Variants in SRPK1 observed in about 807,000 individuals in gnomAD.
The protein encoded by SRPK1 is SRSF protein kinase 1.
Under a neutral mutation model 89.5 loss-of-function variants are expected in SRPK1, and 52 were observed. The ratio of observed to expected loss-of-function variants is 0.58; its 90% confidence interval spans 0.46 to 0.73. The LOEUF (loss-of-function observed/expected upper bound fraction) is 0.73. Among genes scored for constraint, SRPK1 ranks in the 30% least tolerant of loss-of-function variants. The probability of loss-of-function intolerance (pLI) is 0.00; values close to 1 mark genes in which losing one functional copy is unlikely to be tolerated. For synonymous variants in SRPK1, 255 were observed against 270.2 expected, an observed-to-expected ratio of 0.94 and a Z score of 0.55; for missense variants, 603 against 780.6, an observed-to-expected ratio of 0.77 and a Z score of 2.71.
intron 6 of SRPK1, among the ~76,000 whole-genome samples, chr6:35,880,118 G>C (rs997697807): frequency 7.3e-5 from 11 of 150,498 alleles, no homozygotes; most frequent in Non-Finnish European, 1.3e-4. Context: ...GGAAGATGTG[G>C]AGAAAGTCAA....
intron 15 of SRPK1, among the ~76,000 whole-genome samples, chr6:35,837,680 G>A (rs1051773746): frequency 2.0e-5 from 3 of 151,798 alleles, no homozygotes; most frequent in Admixed American, 2.0e-4. Flanking sequence ...CCCAGCTTTC[G>A]GAGTAGCTGC....
chr6:35,893,336 T>C (rs1366451544), intron 2 of SRPK1, among the ~76,000 whole-genome samples: 1 of 151,798 alleles, frequency 6.6e-6, no homozygotes, highest in East Asian at 1.9e-4. Context: ...AACGCAAAAA[T>C]TAACTGGGCT....
At chr6:35,849,083 A>G (rs1581993174) in intron 13 of SRPK1, among the ~76,000 whole-genome samples, 1 of 152,356 alleles carries the variant, frequency 6.6e-6, no homozygotes, top group Middle Eastern at 3.4e-3. Flanking sequence ...TTTGCATGCT[A>G]TACATTTGAT....
In SRPK1 at chr6:35,833,205, T is replaced by C. The variant is rs1171632019; in HGVS notation, c.*2099A>G. 1 of 152,632 alleles carries C rather than the reference T, an allele frequency of 6.6e-6. No individual in the cohort carries two copies. The highest frequency in any genetic ancestry group is 1.5e-5 in the Non-Finnish European group (1 of 68,046). The allele number at this position is 152,632 out of a possible 1,614,324, so 9.5% of individuals were successfully genotyped here. On this transcript the variant is annotated 3_prime_UTR_variant, in exon 16 of 16. Coordinates refer to ENST00000373825, the MANE Select transcript of SRPK1 (RefSeq NM_003137.5). Reference sequence around the variant, plus strand: ...GTATTATAATTAAGCTCAATAAAGGTACATGGGGTACCTGGAAGATCAAGA... The same window carrying C: ...GTATTATAATTAAGCTCAATAAAGGCACATGGGGTACCTGGAAGATCAAGA...
At position 35,857,312 on chromosome 6, in the gene SRPK1, T is replaced by C. The variant is rs761040725; in HGVS notation, c.1569A>G (p.Leu523=). The change falls in exon 13 of 16, where the codon CTA becomes CTG. Residue 523 remains leucine (L), a synonymous_variant. Transcript: ENST00000373825. ...CAGGGGTATTATAGCCAGATCCGAT[T>C]AGAACTTCCAAGGAACGATATTGCC... ...QTRQYRSLEV[L]IGSGYNTPAD... 4.3e-6 allele frequency: 7 copies of C among 1,613,312 alleles called. No individual in the cohort carries two copies. The highest frequency in any genetic ancestry group is 2.5e-6 in the Non-Finnish European group (3 of 1,179,724).
At chr6:35,881,310 G>A (rs1252340214) in intron 6 of SRPK1, among the ~76,000 whole-genome samples, 4 of 152,064 alleles carry the variant, frequency 2.6e-5, no homozygotes, top group Admixed American at 2.6e-4. Flanking sequence ...AGCTAATATT[G>A]TAATAATGGT....
At chr6:35,903,328 C>G (rs1331335078) in intron 2 of SRPK1, among the ~76,000 whole-genome samples, 1 of 151,966 alleles carries the variant, frequency 6.6e-6, no homozygotes, top group Non-Finnish European at 1.5e-5. Flanking sequence ...CCTGGCCAAC[C>G]TGGTGAAACC....
intron 3 of SRPK1, among the ~76,000 whole-genome samples, chr6:35,889,862 G>A (rs1295261552): frequency 6.6e-6 from 1 of 151,876 alleles, no homozygotes; most frequent in Non-Finnish European, 1.5e-5. Context: ...ACTTTGGGAG[G>A]CTGAGGCAGA....
chr6:35,864,495 G>C (rs866794677), intron 12 of SRPK1, among the ~76,000 whole-genome samples: 6 of 152,082 alleles, frequency 3.9e-5, no homozygotes, highest in Admixed American at 3.3e-4. Flanking sequence ...AAAGCTACAA[G>C]AGCATCTCAC....
At position 35,869,555 on chromosome 6, in the gene SRPK1, T is replaced by C. The variant is rs761860738; in HGVS notation, c.1338A>G (p.Gln446=). ...AGGGTATCTCTGCCCGAATGCTTTC[T>C]TGAAGTTGGCTAATGTGTTGTTCAC... ...SFSEQHISQL[Q]ESIRAEIPCE... Residue 446 remains glutamine (Q), a synonymous_variant, in exon 11 of 16, where the codon CAA becomes CAG. Transcript: ENST00000373825. 25 of 1,613,914 alleles carry C rather than the reference T, an allele frequency of 1.5e-5. No individual in the cohort carries two copies. Among genetic ancestry groups the C allele is most frequent in the Non-Finnish European group, 1.9e-5 (22 of 1,179,896 alleles).
intron 6 of SRPK1, among the ~76,000 whole-genome samples, chr6:35,880,572 A>G (rs904748463): frequency 2.6e-5 from 4 of 151,456 alleles, no homozygotes; most frequent in African/African-American, 9.7e-5. Flanking sequence ...ATATACAAAA[A>G]TTAGCTGCGT....
rs374532523 is a variant in SRPK1, at chr6:35,920,476, G to A, written c.66C>T (p.Ala22=). Residue 22 remains alanine (A), a synonymous_variant, in exon 2 of 16, where the codon GCC becomes GCT. Transcript: ENST00000373825. ...KKRTKAKKDK[A]QRKSETQHRG... is the part of the protein sequence containing the mutation. The stretch of plus-strand genomic sequence containing the variant: ...TGGGGTACAAGACTCACTTCCTTTG[G>A]GCTTTGTCCTTCTTGGCCTTGGTCC... 8.7e-6 allele frequency: 14 copies of A among 1,613,358 alleles called. No homozygotes were observed. In the East Asian group the frequency reaches 1.6e-4, roughly 18 times the overall value.
intron 13 of SRPK1, among the ~76,000 whole-genome samples, chr6:35,843,281 C>T (rs1431821258): frequency 7.6e-5 from 11 of 143,970 alleles, no homozygotes; most frequent in African/African-American, 2.3e-4. Context: ...GTCTTTCTTA[C>T]ATTATAATCA....
intron 12 of SRPK1, among the ~76,000 whole-genome samples, chr6:35,865,300 C>T (rs1454434156): frequency 1.3e-5 from 2 of 151,862 alleles, no homozygotes; most frequent in African/African-American, 2.4e-5. Context: ...AGATACCCCA[C>T]GAATACATAC....
intron 12 of SRPK1, among the ~76,000 whole-genome samples, chr6:35,864,505 C>T (rs1769852769): frequency 6.6e-6 from 1 of 152,118 alleles, no homozygotes; most frequent in African/African-American, 2.4e-5. Flanking sequence ...GAGCATCTCA[C>T]CCCAGTTAAA....
At chr6:35,856,939 C>T in intron 13 of SRPK1, 1 of 215,698 alleles carries the variant, frequency 4.6e-6, no homozygotes, top group East Asian at 1.0e-4. Context: ...TAGATGAGTG[C>T]TAAAAATGCA....
chr6:35,839,042 C>A (rs188563395), intron 14 of SRPK1, among the ~76,000 whole-genome samples: 198 of 152,314 alleles, frequency 1.3e-3, no homozygotes, highest in African/African-American at 4.5e-3. Flanking sequence ...GTCTATATAT[C>A]TAGGTTCAGG....
intron 9 of SRPK1, 64 bp from the exon 10 acceptor site, chr6:35,870,558 T>C (rs983552439): frequency 5.6e-6 from 8 of 1,424,990 alleles, no homozygotes; most frequent in African/African-American, 1.4e-5. Context: ...CAGTTGGAGA[T>C]AGTTGTTAAC....
At chr6:35,918,446 A>C (rs1046396248) in intron 2 of SRPK1, among the ~76,000 whole-genome samples, 9 of 152,070 alleles carry the variant, frequency 5.9e-5, no homozygotes, top group African/African-American at 9.7e-5. Context: ...GGTTGCAGTG[A>C]GCCGAGATCG....
Sources: gnomAD v4.1 joint callset for allele counts (sites outside exome capture counted in the v4.1 genomes callset) on GRCh38, gnomAD v4.1.1 for gene constraint, MANE v1.5 for transcripts, NCBI Gene and HGNC (gene_info 2026-07-23, HGNC 2026-07-21) for gene names.